The following NCK2 variants were observed in gnomAD, a reference collection of about 807,000 sequenced individuals.
NCK2 encodes cytoplasmic protein NCK2.
NCK2 carries 16 observed loss-of-function variants against 33.9 expected under a neutral mutation model. That is an observed-to-expected ratio of 0.47 (90% CI 0.32 to 0.72). The LOEUF (loss-of-function observed/expected upper bound fraction) is 0.72, where lower values mean the gene tolerates loss of function less well. NCK2 is among the 30% of genes least tolerant of loss of function. The pLI is 0.03. For missense variants in NCK2, 418 were observed against 537.3 expected, an observed-to-expected ratio of 0.78 and a Z score of 2.19; for synonymous variants, 273 against 239.9, an observed-to-expected ratio of 1.14 and a Z score of -1.27.
chr2:105,879,643 A>G (rs959122195), intron 3 of NCK2, among the ~76,000 whole-genome samples: 2 of 152,254 alleles, frequency 1.3e-5, no homozygotes, highest in African/African-American at 4.8e-5. Flanking sequence ...TCTGAAACGT[A>G]CGTGGCCTCA....
At chr2:105,744,881 C>T (rs1689213870), upstream of NCK2, 1 of 161,174 alleles carries the variant, frequency 6.2e-6, no homozygotes, top group Non-Finnish European at 1.3e-5. Flanking sequence ...CCGCCGCCGC[C>T]GCCGCCGCCG....
chr2:105,796,280 C>T (rs1008970007), intron 1 of NCK2, among the ~76,000 whole-genome samples: 1 of 152,186 alleles, frequency 6.6e-6, no homozygotes, highest in Non-Finnish European at 1.5e-5. Context: ...CTTTGCTGCT[C>T]TTGCAAGGCT....
At chr2:105,830,717 T>TGTGTGTGTGTGTGTGTGTG (rs1352679713) in intron 2 of NCK2, among the ~76,000 whole-genome samples, 3 of 97,706 alleles carry the variant, frequency 3.1e-5, no homozygotes, top group South Asian at 2.7e-4. Context: ...GTGTGTGTGT[T>TGTGTGTGTGTGTGTGTGTG]TGGTCTGATA....
intron 2 of NCK2, among the ~76,000 whole-genome samples, chr2:105,835,388 C>CGTATATATATATATATATATATAT: frequency 1.9e-4 from 10 of 52,102 alleles, no homozygotes; most frequent in African/African-American, 2.2e-4. Flanking sequence ...TATATATACA[C>CGTATATATATATATATATATATAT]ATATATATAT....
chr2:105,804,348 C>A (rs886065199), intron 1 of NCK2, among the ~76,000 whole-genome samples: 1 of 152,234 alleles, frequency 6.6e-6, no homozygotes, highest in Non-Finnish European at 1.5e-5. Flanking sequence ...ATGGGTTTGA[C>A]TTTTTGCCAG....
chr2:105,829,093 T>C (rs1025416684), intron 2 of NCK2, among the ~76,000 whole-genome samples: 27 of 152,204 alleles, frequency 1.8e-4, no homozygotes, highest in Non-Finnish European at 1.6e-4. Context: ...TGAAGTACTC[T>C]TACTGTCCCT....
intron 1 of NCK2, among the ~76,000 whole-genome samples, chr2:105,778,261 C>A (rs1290525223): frequency 6.6e-6 from 1 of 152,204 alleles, no homozygotes; most frequent in South Asian, 2.1e-4. Flanking sequence ...CCTATCCCAG[C>A]ACATGTGGTA....
At chr2:105,768,264 AGTGCTCAGTGGCCGC>A (rs1215787365) in intron 1 of NCK2, among the ~76,000 whole-genome samples, 14 of 152,340 alleles carry the variant, frequency 9.2e-5, no homozygotes, top group African/African-American at 3.4e-4. Context: ...CCACCCCTTG[AGTGCTCAGTGGCCGC>A]GTGTGGCCGG....
chr2:105,877,045 G>T (rs1302482415), intron 3 of NCK2, among the ~76,000 whole-genome samples: 1 of 152,184 alleles, frequency 6.6e-6, no homozygotes, highest in East Asian at 1.9e-4. Flanking sequence ...TGAAGTCCAG[G>T]CAAGAGGAGA....
At chr2:105,779,520 G>A (rs771048558) in intron 1 of NCK2, among the ~76,000 whole-genome samples, 12 of 152,150 alleles carry the variant, frequency 7.9e-5, no homozygotes, top group South Asian at 2.1e-4. Flanking sequence ...GGGTGGCTGC[G>A]TCCAGCTGAA....
At chr2:105,758,825 A>G (rs939152664) in intron 1 of NCK2, among the ~76,000 whole-genome samples, 19 of 152,226 alleles carry the variant, frequency 1.2e-4, no homozygotes, top group African/African-American at 4.3e-4. Context: ...AGTTGTTACA[A>G]AACTATTTTC....
intron 1 of NCK2, among the ~76,000 whole-genome samples, chr2:105,746,091 G>A (rs1383112731): frequency 6.6e-6 from 1 of 152,224 alleles, no homozygotes; most frequent in Non-Finnish European, 1.5e-5. Flanking sequence ...GGACAAAGCC[G>A]AGCGTGCGTG....
intron 2 of NCK2, among the ~76,000 whole-genome samples, chr2:105,844,986 T>C (rs1186226320): frequency 1.3e-5 from 2 of 152,080 alleles, no homozygotes; most frequent in Non-Finnish European, 1.5e-5. Flanking sequence ...TCTATAGTAA[T>C]TAAACCCAAA....
In NCK2 at chr2:105,882,062, C is replaced by T. The variant is rs756881654; in HGVS notation, c.948+13C>T. 6 of 1,487,768 alleles carry T rather than the reference C, an allele frequency of 4.0e-6. No individual in the cohort carries two copies. The South Asian group carries it at 4.3e-5, about 11-fold the overall frequency. The allele number at this position is 1,487,768 out of a possible 1,614,324, so 92.2% of individuals were successfully genotyped here. On this transcript the variant is annotated intron_variant, in intron 4 of 4. Coordinates refer to ENST00000233154, the MANE Select transcript of NCK2 (RefSeq NM_003581.5). ...CAGCGAGTCCTCGGTAAGTGCGCTG[C>T]GCCCACAGCTCCGGCTGCAGGCAGT... is the stretch of plus-strand genomic sequence containing the variant.
At chr2:105,832,704 AT>A (rs67864986) in intron 2 of NCK2, among the ~76,000 whole-genome samples, 51,472 of 144,302 alleles carry the variant, frequency 0.36, 9,264 homozygotes, top group South Asian at 0.44. Context: ...CTTTGCCAGT[AT>A]TTTTTTTTTT....
intron 2 of NCK2, among the ~76,000 whole-genome samples, chr2:105,833,666 A>ATT (rs142774715): frequency 2.2e-4 from 34 of 151,472 alleles, no homozygotes; most frequent in Non-Finnish European, 4.3e-4. Flanking sequence ...GATTTTTTGC[A>ATT]TTTTTTTGGC....
chr2:105,801,206 ACCTCC>A (rs890825985), intron 1 of NCK2, among the ~76,000 whole-genome samples: 17 of 151,302 alleles, frequency 1.1e-4, no homozygotes, highest in African/African-American at 3.9e-4. Flanking sequence ...TTACCCTGGG[ACCTCC>A]CCTCCAACCC....
chr2:105,849,866 G>C (rs928546297), intron 2 of NCK2, among the ~76,000 whole-genome samples: 1 of 152,152 alleles, frequency 6.6e-6, no homozygotes, highest in African/African-American at 2.4e-5. Flanking sequence ...TATTCATTAT[G>C]ACTGTAGTTG....
At chr2:105,818,297 A>AGGGGGGG (rs1558852325) in intron 2 of NCK2, among the ~76,000 whole-genome samples, 12 of 75,326 alleles carry the variant, frequency 1.6e-4, no homozygotes, top group East Asian at 4.5e-4. Context: ...GGGAGGGGGG[A>AGGGGGGG]GGGATAGCAT....
Sources: allele counts gnomAD v4.1 joint callset (sites outside exome capture counted in the v4.1 genomes callset), GRCh38; gene constraint gnomAD v4.1.1; transcripts MANE v1.5; gene names NCBI Gene and HGNC (gene_info 2026-07-23, HGNC 2026-07-21).